ANGPT1: variants seen among roughly 807,000 people sequenced by gnomAD.
ANGPT1 encodes the protein angiopoietin 1.
A neutral mutation model predicts 62.2 loss-of-function variants in ANGPT1; 17 were observed. The ratio of observed to expected loss-of-function variants is 0.27; its 90% CI spans 0.19 to 0.41. The LOEUF (loss-of-function observed/expected upper bound fraction) is 0.41, where lower values mean the gene tolerates loss of function less well. ANGPT1 is among the 10% of genes least tolerant of loss of function. ANGPT1 has a pLI of 1.00. For synonymous variants in ANGPT1, 199 were observed against 198.9 expected, an observed-to-expected ratio of 1.00 and a Z score of 0.00; for missense variants, 478 against 594.9, an observed-to-expected ratio of 0.80 and a Z score of 2.04.
intron 3 of ANGPT1, among the ~76,000 whole-genome samples, chr8:107,335,256 C>G (rs1347991386): frequency 6.6e-6 from 1 of 152,142 alleles, no homozygotes; most frequent in East Asian, 1.9e-4. Flanking sequence ...TAGGTGCCTT[C>G]CTGGTGTGGA....
chr8:107,305,714 G>GT (rs1252222258), intron 4 of ANGPT1, among the ~76,000 whole-genome samples: 3 of 151,956 alleles, frequency 2.0e-5, no homozygotes, highest in African/African-American at 7.2e-5. Context: ...AATAGATATT[G>GT]TATTTTCTTG....
intron 1 of ANGPT1, among the ~76,000 whole-genome samples, chr8:107,363,683 TAAC>T (rs1816214240): frequency 6.6e-6 from 1 of 152,034 alleles, no homozygotes; most frequent in Non-Finnish European, 1.5e-5. Context: ...AAAAATAAAA[TAAC>T]AAGCTTCAAA....
At chr8:107,345,411 A>G (rs1429053823) in intron 2 of ANGPT1, among the ~76,000 whole-genome samples, 5 of 152,124 alleles carry the variant, frequency 3.3e-5, no homozygotes, top group Non-Finnish European at 7.4e-5. Context: ...CGTGCTAACA[A>G]TGGGACATTT....
intron 1 of ANGPT1, among the ~76,000 whole-genome samples, chr8:107,478,092 C>G (rs2130513840): frequency 6.7e-6 from 1 of 150,186 alleles, no homozygotes; most frequent in Admixed American, 6.6e-5. Flanking sequence ...GATTCTGCTA[C>G]TATTTCTAAA....
At chr8:107,347,502 T>C (rs1586244304) in intron 1 of ANGPT1, among the ~76,000 whole-genome samples, 1 of 152,150 alleles carries the variant, frequency 6.6e-6, no homozygotes, top group East Asian at 1.9e-4. Flanking sequence ...CAAATTCACA[T>C]ACTAATTTAA....
chr8:107,284,990 G>T, intron 6 of ANGPT1, 142 bp from the exon 7 acceptor site: 1 of 581,120 alleles, frequency 1.7e-6, no homozygotes, highest in Non-Finnish European at 2.6e-6. Context: ...TTTTTCTCCA[G>T]TGATTGACAT....
intron 1 of ANGPT1, among the ~76,000 whole-genome samples, chr8:107,385,485 C>G (rs373460552): frequency 6.6e-6 from 1 of 151,982 alleles, no homozygotes. Flanking sequence ...GATTTTGTAT[C>G]CTGAAACTTT....
chr8:107,336,165 A>G lies in ANGPT1; in HGVS notation c.560T>C (p.Ile187Thr), dbSNP rs1335917537. The change falls in exon 3 of 9, where the codon ATC becomes ACC. Residue 187 changes from isoleucine (I) to threonine (T), a missense_variant. By Grantham distance (89) the Ile-to-Thr change is moderately conservative. This residue lies in a region of ANGPT1 where 343 missense variants were observed against 355.4 expected (regional missense o/e 0.97). Transcript: ENST00000517746. The part of the protein sequence containing the change: ...LLQQTNEILK[I>T]HEKNSLLEHK... The stretch of plus-strand genomic sequence containing the variant: ...CAATCCTCACCTGTTTTTTTCATGG[A>G]TCTTCAAGATTTCATTTGTCTGTTG... 1 of 1,602,274 alleles carries G rather than the reference A, an allele frequency of 6.2e-7. No homozygotes were observed. Among genetic ancestry groups the G allele is most frequent in the South Asian group, 1.1e-5 (1 of 88,598 alleles).
intron 1 of ANGPT1, among the ~76,000 whole-genome samples, chr8:107,458,859 T>C (rs1290826894): frequency 1.3e-5 from 2 of 152,144 alleles, no homozygotes; most frequent in East Asian, 3.9e-4. Context: ...ATAAATTCTA[T>C]TATTCCTCCT....
At chr8:107,435,099 G>T (rs1421469343) in intron 1 of ANGPT1, among the ~76,000 whole-genome samples, 6 of 152,148 alleles carry the variant, frequency 3.9e-5, no homozygotes, top group African/African-American at 1.4e-4. Flanking sequence ...AGTAGTTGGA[G>T]CTGGGAAGGA....
chr8:107,394,937 A>G (rs2130312616), intron 1 of ANGPT1, among the ~76,000 whole-genome samples: 1 of 152,280 alleles, frequency 6.6e-6, no homozygotes, highest in African/African-American at 2.4e-5. Context: ...AGGATAATTA[A>G]GTTTGACATA....
intron 1 of ANGPT1, among the ~76,000 whole-genome samples, chr8:107,381,258 C>A (rs1293094406): frequency 6.6e-6 from 1 of 152,132 alleles, no homozygotes; most frequent in Admixed American, 6.6e-5. Flanking sequence ...AAATTTCAGG[C>A]AAAATGCTCA....
At chr8:107,428,030 G>T (rs1811083220) in intron 1 of ANGPT1, among the ~76,000 whole-genome samples, 1 of 152,186 alleles carries the variant, frequency 6.6e-6, no homozygotes, top group Admixed American at 6.5e-5. Flanking sequence ...ATTTTGAAAG[G>T]CAGCTTATCC....
chr8:107,379,281 C>T (rs1816589739), intron 1 of ANGPT1, among the ~76,000 whole-genome samples: 2 of 152,132 alleles, frequency 1.3e-5, no homozygotes, highest in African/African-American at 2.4e-5. Context: ...CAATTGCTCC[C>T]TCCCTTGGTA....
intron 1 of ANGPT1, among the ~76,000 whole-genome samples, chr8:107,389,413 G>C (rs1008492128): frequency 6.6e-6 from 1 of 152,122 alleles, no homozygotes; most frequent in African/African-American, 2.4e-5. Flanking sequence ...TGAAGAGAAG[G>C]ATAATTCTGC....
intron 1 of ANGPT1, among the ~76,000 whole-genome samples, chr8:107,419,712 G>A (rs1810846999): frequency 1.3e-5 from 2 of 152,088 alleles, no homozygotes; most frequent in South Asian, 4.2e-4. Flanking sequence ...GACAAGGAGA[G>A]AGAGACAGGG....
chr8:107,282,774 T>A (rs1247102701), intron 7 of ANGPT1, among the ~76,000 whole-genome samples: 1 of 151,762 alleles, frequency 6.6e-6, no homozygotes, highest in Non-Finnish European at 1.5e-5. Flanking sequence ...AGATCCCTAC[T>A]GTGTGGTGAG....
chr8:107,301,171 T>A (rs1814578882), intron 5 of ANGPT1, among the ~76,000 whole-genome samples: 1 of 152,084 alleles, frequency 6.6e-6, no homozygotes, highest in African/African-American at 2.4e-5. Context: ...AATTCTAAAA[T>A]TGTGAATATT....
At chr8:107,284,971 AT>A in intron 6 of ANGPT1, 123 bp from the exon 7 acceptor site, 1 of 765,354 alleles carries the variant, frequency 1.3e-6, no homozygotes, top group Non-Finnish European at 1.8e-6. Context: ...TGTTTTTTAC[AT>A]TTTACACTTT....
Sources: gnomAD v4.1 joint callset for allele counts (sites outside exome capture counted in the v4.1 genomes callset) on GRCh38, gnomAD v4.1.1 for gene constraint, gnomAD v4.1.1 regional missense constraint, MANE v1.5 for transcripts, NCBI Gene and HGNC (gene_info 2026-07-23, HGNC 2026-07-21) for gene names.